MME: variants seen among roughly 807,000 people sequenced by gnomAD.
MME encodes membrane metalloendopeptidase, also known as neprilysin.
In MME, 98 loss-of-function variants were observed where a neutral mutation model predicts 113.2. The observed-to-expected ratio is 0.87, with a 90% CI of 0.74 to 1.02. The LOEUF is 1.02. Ranked by LOEUF, MME falls within the 50% of genes least tolerant of loss-of-function variation. The pLI is 0.00. For synonymous variants in MME, 292 were observed against 300.6 expected, an observed-to-expected ratio of 0.97 and a Z score of 0.30; for missense variants, 836 against 896.0, an observed-to-expected ratio of 0.93 and a Z score of 0.86.
chr3:155,117,644 A>T (rs1718740178), intron 7 of MME, among the ~76,000 whole-genome samples: 1 of 150,190 alleles, frequency 6.7e-6, no homozygotes, highest in African/African-American at 2.5e-5. Flanking sequence ...TATACAAAAA[A>T]TTGCAGGCTA....
At chr3:155,075,763 T>G (rs1443685421), upstream of MME, among the ~76,000 whole-genome samples, 1 of 152,108 alleles carries the variant, frequency 6.6e-6, no homozygotes, top group African/African-American at 2.4e-5. Flanking sequence ...TCAAGTGATT[T>G]TCCTGCCTCA....
At chr3:155,096,964 T>C (rs1354427094) in intron 3 of MME, among the ~76,000 whole-genome samples, 2 of 152,212 alleles carry the variant, frequency 1.3e-5, no homozygotes, top group African/African-American at 2.4e-5. Flanking sequence ...AAATATTTAC[T>C]GGGAAGTAGA....
intron 3 of MME, among the ~76,000 whole-genome samples, chr3:155,095,952 G>T (rs149991403): frequency 2.6e-5 from 4 of 152,150 alleles, no homozygotes; most frequent in Non-Finnish European, 5.9e-5. Context: ...GAAAGCAGTC[G>T]CACTTCACCA....
chr3:155,072,929 A>G lies in MME; in HGVS notation c.-10-11229A>G, dbSNP rs74941113. On this transcript the variant is annotated intron_variant, in intron 1 of 22. Transcript: ENST00000492661. ...AACTTTTATTAGCCTATAAAATGTA[A>G]TGTTTAGAGTTATCGTTTCCTTGGA... Among the ~76,000 whole-genome samples the G allele has an allele frequency of 1.9e-3, 287 of 152,330 alleles. 1 individual carries two copies. Among genetic ancestry groups the G allele is most frequent in the African/African-American group, 6.6e-3 (274 of 41,576 alleles).
intron 16 of MME, among the ~76,000 whole-genome samples, chr3:155,149,840 T>A (rs977063528): frequency 6.6e-6 from 1 of 152,212 alleles, no homozygotes; most frequent in Non-Finnish European, 1.5e-5. Flanking sequence ...AGAGCAACTC[T>A]TTTGCTGACT....
intron 1 of MME, among the ~76,000 whole-genome samples, chr3:155,062,367 G>T (rs1238264261): frequency 2.0e-5 from 3 of 151,996 alleles, no homozygotes; most frequent in African/African-American, 7.3e-5. Flanking sequence ...AGCTTTAAAG[G>T]CTATCTTTTT....
chr3:155,172,311 G>A, intron 21 of MME, 99 bp downstream of exon 21: 1 of 883,328 alleles, frequency 1.1e-6, no homozygotes, highest in Non-Finnish European at 1.9e-6. Flanking sequence ...GTTTTACAGA[G>A]CATTTGACTT....
At chr3:155,109,941 C>T (rs1032357189) in intron 3 of MME, among the ~76,000 whole-genome samples, 3 of 152,230 alleles carry the variant, frequency 2.0e-5, no homozygotes, top group Admixed American at 6.5e-5. Flanking sequence ...GTGCATCCAC[C>T]TAGCGTGGCC....
At chr3:155,172,431 T>A in intron 21 of MME, 105 bp from the exon 22 acceptor site, 1 of 951,474 alleles carries the variant, frequency 1.1e-6, no homozygotes, top group Non-Finnish European at 1.7e-6. Context: ...GGTTGAGGAA[T>A]GCAGAATTCC....
chr3:155,138,246 A>AT lies in MME; in HGVS notation c.855+19dup, dbSNP rs746594222. 2.8e-4 allele frequency: 440 copies of AT among 1,596,496 alleles called. No homozygotes were observed. Among genetic ancestry groups the AT allele is most frequent in the Non-Finnish European group, 3.3e-4 (382 of 1,166,818 alleles). On this transcript the variant is annotated intron_variant, in intron 9 of 22. Transcript: ENST00000360490. ...AAAAGAAATTGCCAATGTAAAACAC[A>AT]TTTTTTTTTCTGATACACTGAATAA...
At chr3:155,030,717 G>GC (rs1712942599) in intron 1 of MME, among the ~76,000 whole-genome samples, 1 of 152,148 alleles carries the variant, frequency 6.6e-6, no homozygotes. Flanking sequence ...CCCAAAGACA[G>GC]CTCAAAGAAA....
chr3:155,134,091 C>CT (rs1720425516), intron 8 of MME, among the ~76,000 whole-genome samples: 1 of 151,786 alleles, frequency 6.6e-6, no homozygotes, highest in South Asian at 2.1e-4. Context: ...GTAAAATTGT[C>CT]TTTTCATTTC....
In MME at chr3:155,047,892, C is replaced by T. The variant is rs190162109; in HGVS notation, c.-11+23568C>T. Among the ~76,000 whole-genome samples, 531 of 152,240 alleles carry T rather than the reference C, an allele frequency of 3.5e-3. 4 individuals are homozygous for T. Among genetic ancestry groups the T allele is most frequent in the Middle Eastern group, 6.8e-3 (2 of 294 alleles). On this transcript the variant is annotated intron_variant, in intron 1 of 22. Coordinates refer to the MME transcript ENST00000492661. ...GTAATTTGAATTTCAGTTCCATGTT[C>T]GGAGCCTTTGTTAATCTGTTGTAGG...
intron 8 of MME, among the ~76,000 whole-genome samples, chr3:155,130,286 A>G (rs555351779): frequency 1.3e-5 from 2 of 152,334 alleles, no homozygotes; most frequent in South Asian, 2.1e-4. Flanking sequence ...AAAAGCCACT[A>G]TGATTTATTT....
intron 1 of MME, among the ~76,000 whole-genome samples, chr3:155,074,313 T>TA (rs1332292788): frequency 4.6e-5 from 7 of 152,354 alleles, no homozygotes; most frequent in African/African-American, 1.7e-4. Flanking sequence ...TATTGATAGA[T>TA]ACCTCAATTG....
At position 155,168,877 on chromosome 3, in the gene MME, A is replaced by G. The variant is rs569477235; in HGVS notation, c.1980+80A>G. The G allele has an allele frequency of 9.3e-5, 117 of 1,262,732 alleles. No individual in the cohort carries two copies. In the East Asian group the frequency reaches 2.6e-3, roughly 28 times the overall value. 78.2% of individuals were successfully genotyped at this position (1,262,732 alleles called of 1,614,324 possible). A position where few individuals can be genotyped will look rare whatever the true frequency, so the allele number is the denominator to read the frequency against. ...TAATAATTCATTTAAAACCTTTTGC[A>G]AAAAAAGAAACTCATATAAGCAGTA... is the stretch of plus-strand genomic sequence containing the variant. On this transcript the variant is annotated intron_variant, in intron 20 of 22. Coordinates refer to ENST00000360490, the MANE Select transcript of MME (RefSeq NM_007289.4).
At chr3:155,042,244 T>C (rs1713345622) in intron 1 of MME, among the ~76,000 whole-genome samples, 1 of 152,186 alleles carries the variant, frequency 6.6e-6, no homozygotes, top group South Asian at 2.1e-4. Context: ...CCTGACAATT[T>C]TTATAATGGA....
rs536196713 is a variant in MME at position 155,109,790 on chromosome 3, G to C, written c.197-5204G>C. On this transcript the variant is annotated intron_variant, in intron 3 of 22. Coordinates refer to ENST00000360490, the MANE Select transcript of MME (RefSeq NM_007289.4). ...GCTTCTCAGATGATTCACATGTTTAGCCAGGGTTGACAAGTACTGTCCTAA... is the reference window on the plus strand; with the variant it reads ...GCTTCTCAGATGATTCACATGTTTACCCAGGGTTGACAAGTACTGTCCTAA... Among the ~76,000 whole-genome samples, 271 of 152,292 alleles carry C rather than the reference G, an allele frequency of 1.8e-3. 1 individual carries two copies. The highest frequency in any genetic ancestry group is 2.9e-3 in the Non-Finnish European group (194 of 68,034).
At chr3:155,146,853 A>G (rs1357492886) in intron 14 of MME, among the ~76,000 whole-genome samples, 1 of 152,192 alleles carries the variant, frequency 6.6e-6, no homozygotes, top group Admixed American at 6.6e-5. Context: ...AAGTTCATAA[A>G]AGTACAAAAT....
Sources: gnomAD v4.1 joint callset for allele counts (sites outside exome capture counted in the v4.1 genomes callset) on GRCh38, gnomAD v4.1.1 for gene constraint, MANE v1.5 for transcripts, NCBI Gene and HGNC (gene_info 2026-07-23, HGNC 2026-07-21) for gene names.